Variants in USP6 observed in about 807,000 individuals in gnomAD.
USP6 encodes the protein ubiquitin carboxyl-terminal hydrolase 6.
In USP6, 128 loss-of-function variants were observed where a neutral mutation model predicts 175.7. The observed-to-expected ratio is 0.73, with a 90% CI of 0.63 to 0.84. The LOEUF is 0.84. Ranked by LOEUF, USP6 falls within the 40% of genes least tolerant of loss-of-function variation. The pLI is 0.00. For synonymous variants in USP6, 562 were observed against 630.6 expected, an observed-to-expected ratio of 0.89 and a Z score of 1.63; for missense variants, 1,498 against 1,760.3, an observed-to-expected ratio of 0.85 and a Z score of 2.67.
intron 25 of USP6, among the ~76,000 whole-genome samples, chr17:5,143,094 C>A (rs954320684): frequency 3.3e-5 from 5 of 152,136 alleles, no homozygotes; most frequent in Non-Finnish European, 7.4e-5. Flanking sequence ...GGGGGTCAGC[C>A]CCCCACCCGG....
At position 5,170,488 on chromosome 17, in the gene USP6, C is replaced by A. The variant is rs760509234; in HGVS notation, c.3527C>A (p.Ser1176Tyr). 7.5e-6 allele frequency: 12 copies of A among 1,608,404 alleles called. No individual in the cohort carries two copies. The highest frequency in any genetic ancestry group is 5.1e-5 in the Admixed American group (3 of 59,404). ...TCTGTCCTGTTCACAGGTTCTCCTTCTTCATCAAGAAAAAGTGGAACCAGC... is the reference window on the plus strand; with the variant it reads ...TCTGTCCTGTTCACAGGTTCTCCTTATTCATCAAGAAAAAGTGGAACCAGC... ...NISSSPKGSP[S>Y]SSRKSGTSCP... Residue 1176 changes from serine (S) to tyrosine (Y), a missense_variant, in exon 36 of 38, where the codon TCT becomes TAT. Around this residue, in one of 2 missense-constraint regions of USP6, gnomAD observed 1,217 missense variants for 1,500.8 expected, o/e 0.81. Coordinates refer to ENST00000574788, the MANE Select transcript of USP6 (RefSeq NM_001304284.2).
rs1379152041 is a variant in USP6 at position 5,139,243 on chromosome 17, T to C, written c.1079-12T>C. ...TCACTGGAGATGCTGACCACGTCTG[T>C]TTTCCTTTCAGCCAAACGCGAGCAA... is the stretch of plus-strand genomic sequence containing the variant. On this transcript the variant is annotated splice_polypyrimidine_tract_variant and intron_variant, in intron 21 of 37. Transcript: ENST00000574788. The C allele has an allele frequency of 1.9e-6, 3 of 1,599,634 alleles. No homozygotes were observed. Among genetic ancestry groups the C allele is most frequent in the Non-Finnish European group, 2.5e-6 (3 of 1,179,948 alleles).
chr17:5,154,593 G>A (rs2073840805), intron 30 of USP6, among the ~76,000 whole-genome samples: 1 of 152,154 alleles, frequency 6.6e-6, no homozygotes, highest in African/African-American at 2.4e-5. Flanking sequence ...TTAGGAAGGT[G>A]GATAAGCTTG....
At chr17:5,141,580 C>CT in intron 23 of USP6, 81 bp downstream of exon 23, 1 of 1,326,302 alleles carries the variant, frequency 7.5e-7, no homozygotes, top group Non-Finnish European at 1.0e-6. Flanking sequence ...GTGCTAACAA[C>CT]TTTTGGTTTT....
intron 5 of USP6, 104 bp downstream of exon 5, chr17:5,125,376 C>T (rs1446721365): frequency 1.3e-5 from 2 of 150,800 alleles, no homozygotes. Flanking sequence ...TCATCCCTTC[C>T]CCTTCTCCCG....
rs914194540 is a variant in USP6 at position 5,116,114 on chromosome 17, C to A, written c.-2554C>A. On this transcript the variant is annotated 5_prime_UTR_variant, in exon 1 of 38. Coordinates refer to ENST00000574788, the MANE Select transcript of USP6 (RefSeq NM_001304284.2). ...GCCGCTGTGGGAGCTCGTCTCCAGG[C>A]GCCCATCAGTCTTCCCCTCACTCGA... Among the ~76,000 whole-genome samples, 1 of 152,208 alleles carries A rather than the reference C, an allele frequency of 6.6e-6. No homozygotes were observed. Among genetic ancestry groups the A allele is most frequent in the Non-Finnish European group, 1.5e-5 (1 of 68,024 alleles).
In USP6 at chr17:5,170,694, C is replaced by T. The variant is rs776560360; in HGVS notation, c.3733C>T (p.Arg1245Ter). Residue 1245 changes from arginine to a stop codon, truncating the protein, a stop_gained, in exon 36 of 38, where the codon CGA becomes TGA. Transcript: ENST00000574788. LOFTEE classifies it high-confidence loss of function. ...CTGTGAGCTGGCTGACGCCTTGAGC[C>T]GAGGGCATATGCGGGGGGGCAGCCA... ...QICELADALS[R>*]GHMRGGSQPE... The T allele has an allele frequency of 4.3e-5, 70 of 1,613,786 alleles. 1 individual carries two copies. Among genetic ancestry groups the T allele is most frequent in the South Asian group, 4.0e-4 (36 of 91,076 alleles).
chr17:5,144,818 A>G lies in USP6; in HGVS notation c.1947A>G (p.Glu649=). ...GAGTCCATGAAAAGCCATATGTGGAACTGAAGGACAGTGATGGCCGACCAG... is the reference window on the plus strand; with the variant it reads ...GAGTCCATGAAAAGCCATATGTGGAGCTGAAGGACAGTGATGGCCGACCAG... ...LNRVHEKPYV[E]LKDSDGRPDW... The change falls in exon 26 of 38, where the codon GAA becomes GAG. Residue 649 remains glutamate, a synonymous_variant. Coordinates refer to ENST00000574788, the MANE Select transcript of USP6 (RefSeq NM_001304284.2). 1.2e-6 allele frequency: 2 copies of G among 1,612,290 alleles called. No homozygotes were observed. Among genetic ancestry groups the G allele is most frequent in the Non-Finnish European group, 1.7e-6 (2 of 1,178,516 alleles).
intron 25 of USP6, among the ~76,000 whole-genome samples, chr17:5,143,052 C>T (rs149250404): frequency 0.014 from 2,201 of 151,928 alleles, 25 homozygotes; most frequent in Middle Eastern, 0.024. Flanking sequence ...AGCCCCCCGC[C>T]CAGCCAGCCG....
In USP6 at chr17:5,128,072, G is replaced by T. The variant is rs1051302248; in HGVS notation, c.-338+433G>T. Among the ~76,000 whole-genome samples the T allele has an allele frequency of 2.6e-5, 4 of 152,296 alleles. 1 individual carries two copies. The South Asian group carries it at 8.3e-4, about 32-fold the overall frequency. On this transcript the variant is annotated intron_variant, in intron 7 of 37. Coordinates refer to ENST00000574788, the MANE Select transcript of USP6 (RefSeq NM_001304284.2). ...GGGACCCTGCACTGGGCATCTGGAC[G>T]CCCTGTCTCAGGACTTGAGACTCCG...
At chr17:5,150,310 AT>A (rs1285791438) in intron 30 of USP6, among the ~76,000 whole-genome samples, 15 of 149,162 alleles carry the variant, frequency 1.0e-4, no homozygotes, top group African/African-American at 3.4e-4. Context: ...AAATAAATAA[AT>A]AAATAAATAA....
intron 2 of USP6, among the ~76,000 whole-genome samples, chr17:5,120,052 G>A (rs1356310588): frequency 1.3e-5 from 2 of 152,150 alleles, no homozygotes; most frequent in African/African-American, 4.8e-5. Flanking sequence ...GGCCTTACGT[G>A]CCCTCTCCTG....
chr17:5,167,195 C>T (rs538673307), intron 33 of USP6, among the ~76,000 whole-genome samples: 31 of 152,154 alleles, frequency 2.0e-4, no homozygotes, highest in Non-Finnish European at 3.5e-4. Context: ...GCTCTGGTTT[C>T]TGTGTTTCAT....
intron 30 of USP6, among the ~76,000 whole-genome samples, chr17:5,149,505 T>TA (rs1396486396): frequency 1.3e-5 from 2 of 152,118 alleles, no homozygotes; most frequent in Non-Finnish European, 2.9e-5. Context: ...TATGCTATGA[T>TA]GCTCACACCT....
chr17:5,164,783 C>G (rs1200835245), intron 33 of USP6, among the ~76,000 whole-genome samples: 1 of 152,192 alleles, frequency 6.6e-6, no homozygotes, highest in Non-Finnish European at 1.5e-5. Context: ...AAAAGAGATA[C>G]TGTGGTTTAA....
chr17:5,141,816 A>T (rs2073455233), intron 23 of USP6, among the ~76,000 whole-genome samples, 187 bp from the exon 24 acceptor site: 1 of 152,252 alleles, frequency 6.6e-6, no homozygotes, highest in Non-Finnish European at 1.5e-5. Context: ...ATGAGCATGG[A>T]TCATCACTGT....
chr17:5,137,328 G>T lies in USP6; in HGVS notation c.825+142G>T, dbSNP rs1293520114. 8.9e-6 allele frequency: 10 copies of T among 1,126,754 alleles called. No individual in the cohort carries two copies. In the Admixed American group the frequency reaches 1.1e-4, roughly 13 times the overall value. 69.8% of individuals were successfully genotyped at this position (1,126,754 alleles called of 1,614,324 possible). A position where few individuals can be genotyped will look rare whatever the true frequency, so the allele number is the denominator to read the frequency against. On this transcript the variant is annotated intron_variant, in intron 19 of 37. Coordinates refer to ENST00000574788, the MANE Select transcript of USP6 (RefSeq NM_001304284.2). ...GAAGGACACACAAGCAAAACCCTCT[G>T]CCCAAGAGGGGTCATCCCAGGGCAA...
chr17:5,130,579 C>G (rs1195947641), intron 10 of USP6, 23 bp from the exon 11 acceptor site: 14 of 1,613,410 alleles, frequency 8.7e-6, no homozygotes, highest in Non-Finnish European at 1.2e-5. Context: ...GGACCCCTCA[C>G]CAAGGCTCCC....
intron 21 of USP6, 161 bp from the exon 22 acceptor site, chr17:5,139,094 C>T: frequency 1.3e-6 from 2 of 1,595,424 alleles, no homozygotes; most frequent in South Asian, 1.1e-5. Flanking sequence ...GCACACACCC[C>T]TCCCTCTGGG....
Sources: allele counts gnomAD v4.1 joint callset (sites outside exome capture counted in the v4.1 genomes callset), GRCh38; gene constraint gnomAD v4.1.1; regional missense constraint gnomAD v4.1.1; transcripts MANE v1.5; gene names NCBI Gene and HGNC (gene_info 2026-07-23, HGNC 2026-07-21).